ABCA9: variants seen among roughly 807,000 people sequenced by gnomAD.
The protein encoded by ABCA9 is ATP-binding cassette sub-family A member 9.
In ABCA9, 183 loss-of-function variants were observed where a neutral mutation model predicts 205.3. The ratio of observed to expected loss-of-function variants is 0.89; its 90% CI spans 0.79 to 1.01. ABCA9 has a LOEUF of 1.01. ABCA9 is among the 50% of genes least tolerant of loss of function. The pLI is 0.00. For synonymous variants in ABCA9, 651 were observed against 683.3 expected, an observed-to-expected ratio of 0.95 and a Z score of 0.74; for missense variants, 1,805 against 1,912.4, an observed-to-expected ratio of 0.94 and a Z score of 1.05.
chr17:69,024,491 T>C (rs2070920119), intron 16 of ABCA9, 138 bp from the exon 17 acceptor site: 2 of 784,622 alleles, frequency 2.5e-6, no homozygotes, highest in Non-Finnish European at 3.9e-6. Context: ...CAAAGTAAGA[T>C]GTAAAACTAC....
intron 25 of ABCA9, among the ~76,000 whole-genome samples, chr17:68,998,872 T>G (rs1282410055): frequency 6.6e-6 from 1 of 151,898 alleles, no homozygotes; most frequent in Admixed American, 6.6e-5. Flanking sequence ...ATTGTGACTC[T>G]GAGCTTTTGT....
chr17:68,989,903 G>T lies in ABCA9; in HGVS notation c.3865C>A (p.Arg1289=). Residue 1289 remains arginine, a synonymous_variant, in exon 30 of 39, where the codon CGG becomes AGG. Coordinates refer to ENST00000340001, the MANE Select transcript of ABCA9 (RefSeq NM_080283.4). ...ETPVIIASCL[R]KEYAGKKKNC... ...TTCTTTTTGCCTGCATATTCCTTCC[G>T]TAGACAGCTGGCAATGATGACGGGT... is the stretch of plus-strand genomic sequence containing the variant. The T allele has an allele frequency of 6.2e-7, 1 of 1,611,064 alleles. No homozygotes were observed. Among genetic ancestry groups the T allele is most frequent in the Non-Finnish European group, 8.5e-7 (1 of 1,178,740 alleles).
chr17:69,043,764 AC>A (rs1350846788), intron 5 of ABCA9, 49 bp from the exon 6 acceptor site: 2 of 1,430,102 alleles, frequency 1.4e-6, no homozygotes, highest in Admixed American at 4.5e-5. Context: ...TCTAATTCCA[AC>A]CTTAGGCTTT....
rs190763110 is a variant in ABCA9, at chr17:69,059,792, G to A, written c.-14+1074C>T. On this transcript the variant is annotated intron_variant, in intron 1 of 38. Coordinates refer to ENST00000340001, the MANE Select transcript of ABCA9 (RefSeq NM_080283.4). ...CATTGCTGGACATTTATTTTATGAC[G>A]TGCCTCATCAGCAGAACAAAGAAGG... Among the ~76,000 whole-genome samples, 81 of 151,994 alleles carry A rather than the reference G, an allele frequency of 5.3e-4. No individual in the cohort carries two copies. The South Asian group carries it at 0.01, about 19-fold the overall frequency.
chr17:69,022,793 G>A (rs1279160710), intron 17 of ABCA9, among the ~76,000 whole-genome samples: 2 of 152,144 alleles, frequency 1.3e-5, no homozygotes, highest in Non-Finnish European at 2.9e-5. Context: ...AAACTGAAAG[G>A]TGGATAAAAG....
intron 18 of ABCA9, 64 bp from the exon 19 acceptor site, chr17:69,020,650 A>G (rs2070781664): frequency 6.7e-7 from 1 of 1,496,280 alleles, no homozygotes; most frequent in African/African-American, 1.4e-5. Context: ...AGCTTTTCCT[A>G]TGATAAATTT....
rs371379706 is a variant in ABCA9, at chr17:69,035,820, C to A, written c.801-19G>T. ...GGAAAGCCTAGCAGAGAAACAAAGC[C>A]GTCAGTTAGAATGTTGTTACTTCAT... is the stretch of plus-strand genomic sequence containing the variant. On this transcript the variant is annotated intron_variant, in intron 6 of 38. Coordinates refer to ENST00000340001, the MANE Select transcript of ABCA9 (RefSeq NM_080283.4). 2 of 1,603,792 alleles carry A rather than the reference C, an allele frequency of 1.2e-6. No homozygotes were observed. Among genetic ancestry groups the A allele is most frequent in the South Asian group, 2.2e-5 (2 of 89,662 alleles).
chr17:68,990,444 C>T (rs895920499), intron 29 of ABCA9, among the ~76,000 whole-genome samples: 4 of 152,200 alleles, frequency 2.6e-5, no homozygotes, highest in African/African-American at 9.6e-5. Flanking sequence ...TGCAATGGTG[C>T]AAGTATATCT....
rs548894712 is a variant in ABCA9 at position 69,043,063 on chromosome 17, C to G, written c.800+426G>C. 2.3e-5 allele frequency: 4 copies of G among 177,114 alleles called. No homozygotes were observed. In the East Asian group the frequency reaches 5.0e-4, roughly 22 times the overall value. 11.0% of individuals were successfully genotyped at this position (177,114 alleles called of 1,614,324 possible). Reference sequence around the variant, plus strand: ...TTGTTTTCCTGCAACTAGATCCCATCTGGGGGTGATGGGAGACAGTGACAG... The same window carrying G: ...TTGTTTTCCTGCAACTAGATCCCATGTGGGGGTGATGGGAGACAGTGACAG... On this transcript the variant is annotated intron_variant, in intron 6 of 38. Transcript: ENST00000340001.
At chr17:69,017,341 C>T (rs971918083) in intron 21 of ABCA9, among the ~76,000 whole-genome samples, 2 of 152,012 alleles carry the variant, frequency 1.3e-5, no homozygotes, top group South Asian at 4.2e-4. Flanking sequence ...CTACATTGGG[C>T]AGTTGTTCTC....
intron 21 of ABCA9, among the ~76,000 whole-genome samples, chr17:69,017,383 T>C (rs2070656832): frequency 1.3e-5 from 2 of 152,152 alleles, no homozygotes; most frequent in Admixed American, 6.6e-5. Flanking sequence ...TTAATTTAAT[T>C]ATTGGAATGG....
chr17:68,986,670 T>A (rs1312472729), intron 31 of ABCA9: 2 of 183,190 alleles, frequency 1.1e-5, no homozygotes, highest in East Asian at 2.8e-4. Context: ...GTGATAGTTA[T>A]AATTATAGGA....
the ABCA9 span, among the ~76,000 whole-genome samples, chr17:69,069,774 A>G: frequency 6.6e-6 from 1 of 152,114 alleles, no homozygotes. Context: ...ATATAATCTT[A>G]ATAAAAACCC....
At chr17:69,016,788 A>AGTT (rs1360727961) in intron 21 of ABCA9, among the ~76,000 whole-genome samples, 1 of 152,110 alleles carries the variant, frequency 6.6e-6, no homozygotes. Flanking sequence ...GCAGGCAGAA[A>AGTT]GTTGTAATGA....
rs377378801 is a variant in ABCA9, at chr17:68,992,230, G to T, written c.3661C>A (p.Arg1221=). The change falls in exon 28 of 39, where the codon CGA becomes AGA. Residue 1221 remains arginine (R), a synonymous_variant. Transcript: ENST00000340001. Reference sequence around the variant, plus strand: ...TTCCTGCAGTTCATTTCTAGGCATCGCAGAATGAAAAGAAAAATGAGAAAA... The same window carrying T: ...TTCCTGCAGTTCATTTCTAGGCATCTCAGAATGAAAAGAAAAATGAGAAAA... ...LHFLIFLFIL[R]CLEMNCRKKL... The T allele has an allele frequency of 3.4e-5, 54 of 1,596,348 alleles. No individual in the cohort carries two copies. The highest frequency in any genetic ancestry group is 4.3e-5 in the Non-Finnish European group (50 of 1,170,418).
At position 69,035,485 on chromosome 17, in the gene ABCA9, C is replaced by T. The variant is rs1453412715; in HGVS notation, c.943-54G>A. ...ATATAATTCTGTGAGAACAGTAGCA[C>T]AAAAAAGGAATTTTATATTATAAAA... On this transcript the variant is annotated intron_variant, in intron 7 of 38. Transcript: ENST00000340001. 10 of 1,436,900 alleles carry T rather than the reference C, an allele frequency of 7.0e-6. No homozygotes were observed. In the Admixed American group the frequency reaches 1.7e-4, roughly 25 times the overall value. 89.0% of individuals were successfully genotyped at this position (1,436,900 alleles called of 1,614,324 possible).
Position 69,049,796 on chromosome 17 carries a change from G to A in ABCA9, c.97-306C>T, listed in dbSNP as rs116817478. On this transcript the variant is annotated intron_variant, in intron 2 of 38. Transcript: ENST00000340001. Reference sequence around the variant, plus strand: ...ATGAATGGCCCAACAGTTTAGTCATGTTAAAATTTTAGTGACAGTGATAAA... The same window carrying A: ...ATGAATGGCCCAACAGTTTAGTCATATTAAAATTTTAGTGACAGTGATAAA... 1.3e-3 allele frequency among the ~76,000 whole-genome samples: 193 copies of A among 152,224 alleles called. 2 individuals carry two copies. The highest frequency in any genetic ancestry group is 4.5e-3 in the African/African-American group (187 of 41,540).
At chr17:69,066,589 T>C in the ABCA9 span, among the ~76,000 whole-genome samples, 1 of 151,230 alleles carries the variant, frequency 6.6e-6, no homozygotes, top group African/African-American at 2.4e-5. Context: ...CGTAAGACGG[T>C]ATTGGATCAG....
At chr17:69,005,065 C>G (rs980952679) in intron 25 of ABCA9, among the ~76,000 whole-genome samples, 6 of 152,224 alleles carry the variant, frequency 3.9e-5, no homozygotes, top group Non-Finnish European at 7.3e-5. Flanking sequence ...GATGGAAATG[C>G]AGAAATCACC....
Sources: gnomAD v4.1 joint callset for allele counts (sites outside exome capture counted in the v4.1 genomes callset) on GRCh38, gnomAD v4.1.1 for gene constraint, MANE v1.5 for transcripts, NCBI Gene and HGNC (gene_info 2026-07-23, HGNC 2026-07-21) for gene names.